PLEKHA1: variants seen among roughly 807,000 people sequenced by gnomAD.
PLEKHA1 encodes the protein pleckstrin homology domain-containing family A member 1.
Under a neutral mutation model 52.0 loss-of-function variants are expected in PLEKHA1, and 34 were observed. The observed-to-expected ratio is 0.65, with a 90% confidence interval of 0.50 to 0.87. The LOEUF is 0.87. PLEKHA1 is among the 40% of genes least tolerant of loss of function. The probability of loss-of-function intolerance (pLI) is 0.00; values close to 1 mark genes in which losing one functional copy is unlikely to be tolerated. For synonymous variants in PLEKHA1, 163 were observed against 170.7 expected, an observed-to-expected ratio of 0.95 and a Z score of 0.35; for missense variants, 497 against 504.2, an observed-to-expected ratio of 0.99 and a Z score of 0.14.
At chr10:122,417,425 G>C (rs193206159) in intron 7 of PLEKHA1, among the ~76,000 whole-genome samples, 183 of 152,104 alleles carry the variant, frequency 1.2e-3, no homozygotes, top group African/African-American at 3.3e-3. Flanking sequence ...AAGGTGGGCG[G>C]ATCACCTGAG....
intron 1 of PLEKHA1, among the ~76,000 whole-genome samples, chr10:122,389,663 T>C (rs2096749014): frequency 6.6e-6 from 1 of 152,104 alleles, no homozygotes; most frequent in African/African-American, 2.4e-5. Flanking sequence ...TGAGCCAAGA[T>C]TGCGCCACCA....
chr10:122,408,840 T>A (rs1022598907), intron 5 of PLEKHA1, among the ~76,000 whole-genome samples: 8 of 152,222 alleles, frequency 5.3e-5, no homozygotes, highest in Non-Finnish European at 1.2e-4. Flanking sequence ...ATTTGAAAAC[T>A]TAAAATGTAC....
In PLEKHA1 at chr10:122,403,911, C is replaced by T. The variant is rs528845688; in HGVS notation, c.245-2665C>T. 5.3e-5 allele frequency among the ~76,000 whole-genome samples: 8 copies of T among 152,214 alleles called. No individual in the cohort carries two copies. The South Asian group carries it at 6.2e-4, about 12-fold the overall frequency. ...TTCACCATGTTGGCCAGGCTTGTCTCGAACCCCTGACCTCAAGTGACTGGC... is the reference window on the plus strand; with the variant it reads ...TTCACCATGTTGGCCAGGCTTGTCTTGAACCCCTGACCTCAAGTGACTGGC... On this transcript the variant is annotated intron_variant, in intron 4 of 11. Coordinates refer to ENST00000368990, the MANE Select transcript of PLEKHA1 (RefSeq NM_001001974.4).
intron 6 of PLEKHA1, among the ~76,000 whole-genome samples, chr10:122,413,872 G>T (rs759950923): frequency 6.6e-6 from 1 of 152,030 alleles, no homozygotes; most frequent in Non-Finnish European, 1.5e-5. Flanking sequence ...GAACTCAAAA[G>T]ACTTTGACAC....
intron 11 of PLEKHA1, among the ~76,000 whole-genome samples, 186 bp from the exon 12 acceptor site, chr10:122,429,438 G>A (rs924758259): frequency 1.1e-4 from 17 of 151,900 alleles, no homozygotes; most frequent in East Asian, 1.9e-4. Flanking sequence ...CTCTAAAAAC[G>A]CGTTGCTTTG....
the PLEKHA1 span, chr10:122,440,887 C>A: frequency 6.6e-6 from 1 of 152,178 alleles, no homozygotes. Flanking sequence ...GTTTCAGCAG[C>A]TGGTCCTGGG....
the PLEKHA1 span, chr10:122,441,700 T>A: frequency 6.6e-6 from 1 of 152,028 alleles, no homozygotes; most frequent in South Asian, 2.1e-4. Flanking sequence ...GAAACACAGG[T>A]TGGAATAAAA....
chr10:122,424,993 C>T (rs2097316974), intron 10 of PLEKHA1, 34 bp downstream of exon 10: 3 of 1,536,150 alleles, frequency 2.0e-6, no homozygotes, highest in African/African-American at 2.8e-5. Context: ...ATAGATCCTC[C>T]TAAAAAGAAA....
At chr10:122,400,934 C>T (rs1297264854) in intron 4 of PLEKHA1, among the ~76,000 whole-genome samples, 1 of 152,194 alleles carries the variant, frequency 6.6e-6, no homozygotes, top group African/African-American at 2.4e-5. Flanking sequence ...ATTAATATTG[C>T]AGTTGTCACA....
rs1294816916 is a variant in PLEKHA1 at position 122,406,553 on chromosome 10, G to A, written c.245-23G>A. ...AGAGGTAATAAGTACAATATTTGGT[G>A]TGTTATTTTTTTCTGTCAACAGTTA... On this transcript the variant is annotated intron_variant, in intron 4 of 11. Coordinates refer to ENST00000368990, the MANE Select transcript of PLEKHA1 (RefSeq NM_001001974.4). The A allele has an allele frequency of 1.9e-6, 3 of 1,552,582 alleles. No homozygotes were observed. The African/African-American group carries it at 4.1e-5, about 21-fold the overall frequency.
chr10:122,392,201 C>T, intron 1 of PLEKHA1: 1 of 152,172 alleles, frequency 6.6e-6, no homozygotes, highest in South Asian at 2.1e-4. Flanking sequence ...ATATGATACA[C>T]CTTTTAAGTC....
chr10:122,399,777 G>T (rs900182260), intron 3 of PLEKHA1, among the ~76,000 whole-genome samples: 2 of 151,938 alleles, frequency 1.3e-5, no homozygotes, highest in Non-Finnish European at 1.5e-5. Flanking sequence ...AGTAGAGACG[G>T]GGTTTCACCG....
At chr10:122,418,330 C>A in intron 8 of PLEKHA1, 1 of 186,524 alleles carries the variant, frequency 5.4e-6, no homozygotes, top group Non-Finnish European at 1.1e-5. Flanking sequence ...GGAGAATGGT[C>A]ACATACACAG....
intron 1 of PLEKHA1, among the ~76,000 whole-genome samples, chr10:122,388,685 T>C (rs1287150337): frequency 6.6e-6 from 1 of 152,198 alleles, no homozygotes; most frequent in Admixed American, 6.5e-5. Context: ...TTTAAAAATA[T>C]TTTATTGCTT....
chr10:122,391,205 T>G (rs981997400), intron 1 of PLEKHA1, among the ~76,000 whole-genome samples: 6 of 151,974 alleles, frequency 3.9e-5, no homozygotes, highest in Non-Finnish European at 8.8e-5. Context: ...GATATATAGT[T>G]TGCAAATATT....
At chr10:122,422,309 G>A (rs2097271465) in intron 8 of PLEKHA1, 1 of 152,094 alleles carries the variant, frequency 6.6e-6, no homozygotes, top group Admixed American at 6.5e-5. Context: ...TGGGAAACCT[G>A]GTATTACTAT....
At chr10:122,438,473 G>A in the PLEKHA1 span, 3 of 152,284 alleles carry the variant, frequency 2.0e-5, no homozygotes, top group African/African-American at 7.2e-5. Flanking sequence ...ATGTGGTGCA[G>A]CCACTGGTTA....
chr10:122,381,175 G>GTTA (rs1308561213), intron 1 of PLEKHA1, among the ~76,000 whole-genome samples: 2 of 152,208 alleles, frequency 1.3e-5, no homozygotes, highest in Non-Finnish European at 2.9e-5. Flanking sequence ...AGTGGGGTAA[G>GTTA]GGCCAGATCC....
At chr10:122,436,434 A>G (rs1654883751), downstream of PLEKHA1, 1 of 152,236 alleles carries the variant, frequency 6.6e-6, no homozygotes, top group Non-Finnish European at 1.5e-5. Flanking sequence ...ACAGATTGAA[A>G]TAGCTTTAAG....
Sources: gnomAD v4.1 joint callset for allele counts (sites outside exome capture counted in the v4.1 genomes callset) on GRCh38, gnomAD v4.1.1 for gene constraint, MANE v1.5 for transcripts, NCBI Gene and HGNC (gene_info 2026-07-23, HGNC 2026-07-21) for gene names.